Variants in PEPD observed in about 807,000 individuals in gnomAD.
The protein encoded by PEPD is peptidase D.
Under a neutral mutation model 60.7 loss-of-function variants are expected in PEPD, and 53 were observed. That is an observed-to-expected ratio of 0.87 (90% CI 0.70 to 1.10). The LOEUF (loss-of-function observed/expected upper bound fraction) is 1.10. Among genes scored for constraint, PEPD ranks in the 50% least tolerant of loss-of-function variants. The pLI, the probability that PEPD is intolerant of heterozygous loss-of-function variation, is 0.00. For missense variants in PEPD, 711 were observed against 711.9 expected (o/e 1.00, Z 0.01); for synonymous variants, 267 against 284.1 (o/e 0.94, Z 0.60).
chr19:33,516,242 C>CTGT (rs1971020836), intron 1 of PEPD, among the ~76,000 whole-genome samples: 1 of 152,188 alleles, frequency 6.6e-6, no homozygotes, highest in Non-Finnish European at 1.5e-5. Flanking sequence ...ACGAATTCTT[C>CTGT]CTGCAAATTC....
At chr19:33,395,448 C>G (rs7258031) in intron 12 of PEPD, among the ~76,000 whole-genome samples, 2 of 151,974 alleles carry the variant, frequency 1.3e-5, no homozygotes, top group African/African-American at 4.8e-5. Flanking sequence ...GACCCTAGAA[C>G]GGGCAGGGTG....
rs180955442 is a variant in PEPD at position 33,396,883 on chromosome 19, A to G, written c.967+4838T>C. On this transcript the variant is annotated intron_variant, in intron 12 of 14. Coordinates refer to ENST00000244137, the MANE Select transcript of PEPD (RefSeq NM_000285.4). ...GGACAGCTGTGCTGCTTCTAGGAAC[A>G]GCCTTCCTGCTGTGGCTGTGCCAAT... is the stretch of plus-strand genomic sequence containing the variant. Among the ~76,000 whole-genome samples, 388 of 152,236 alleles carry G rather than the reference A, an allele frequency of 2.5e-3. 1 individual carries two copies. Among genetic ancestry groups the G allele is most frequent in the African/African-American group, 8.9e-3 (368 of 41,544 alleles).
intron 3 of PEPD, among the ~76,000 whole-genome samples, chr19:33,507,517 C>T (rs1286576585): frequency 1.3e-5 from 2 of 152,156 alleles, no homozygotes; most frequent in Non-Finnish European, 2.9e-5. Flanking sequence ...CCACAGGAAG[C>T]GGCAGATCCT....
At chr19:33,431,187 GGAGGGAGGGAGGGAGA>G (rs1237290342) in intron 9 of PEPD, among the ~76,000 whole-genome samples, 2 of 148,716 alleles carry the variant, frequency 1.3e-5, no homozygotes, top group Non-Finnish European at 3.0e-5. Flanking sequence ...AGGAAGGGAG[GGAGGGAGGGAGGGAGA>G]GAGGGAGGGA....
At chr19:33,420,883 C>T (rs1210893974) in intron 9 of PEPD, among the ~76,000 whole-genome samples, 2 of 152,184 alleles carry the variant, frequency 1.3e-5, no homozygotes, top group African/African-American at 4.8e-5. Context: ...AGTCTCTCTT[C>T]CCCAGGGGCA....
chr19:33,471,289 CTCA>C (rs1970115733), intron 7 of PEPD, among the ~76,000 whole-genome samples: 1 of 152,182 alleles, frequency 6.6e-6, no homozygotes, highest in Non-Finnish European at 1.5e-5. Flanking sequence ...GGCCTGAAGT[CTCA>C]CCCAGGCGCC....
chr19:33,519,592 A>C, intron 1 of PEPD, among the ~76,000 whole-genome samples: 1 of 152,212 alleles, frequency 6.6e-6, no homozygotes, highest in East Asian at 1.9e-4. Flanking sequence ...GGTCAACCTC[A>C]GGCTCAAAGT....
intron 1 of PEPD, among the ~76,000 whole-genome samples, chr19:33,514,031 C>T (rs959057829): frequency 4.0e-5 from 6 of 151,674 alleles, no homozygotes; most frequent in Non-Finnish European, 7.4e-5. Context: ...TGTAAGCTCC[C>T]TGAGGGCAGG....
intron 12 of PEPD, among the ~76,000 whole-genome samples, chr19:33,393,259 G>A (rs1968273040): frequency 6.7e-6 from 1 of 149,672 alleles, no homozygotes. Flanking sequence ...GTCTGGCGTG[G>A]GGGAGGGCCC....
intron 9 of PEPD, among the ~76,000 whole-genome samples, chr19:33,446,136 G>A (rs897687463): frequency 6.6e-6 from 1 of 151,906 alleles, no homozygotes; most frequent in African/African-American, 2.4e-5. Flanking sequence ...AGAATTCCCC[G>A]AGTTCTTCCT....
intron 12 of PEPD, among the ~76,000 whole-genome samples, chr19:33,398,426 G>C (rs926141959): frequency 6.6e-6 from 1 of 152,248 alleles, no homozygotes; most frequent in Non-Finnish European, 1.5e-5. Context: ...AGCCCACCTT[G>C]GCACAGCTAC....
intron 14 of PEPD, 130 bp from the exon 15 acceptor site, chr19:33,387,611 T>C: frequency 1.7e-6 from 2 of 1,207,884 alleles, no homozygotes; most frequent in Admixed American, 3.6e-5. Context: ...ACGGGTGGCC[T>C]CCGGGCTCCT....
At position 33,482,768 on chromosome 19, in the gene PEPD, C is replaced by T. The variant is rs114170511; in HGVS notation, c.504-4678G>A. Among the ~76,000 whole-genome samples, 416 of 152,260 alleles carry T rather than the reference C, an allele frequency of 2.7e-3. 1 individual carries two copies. The highest frequency in any genetic ancestry group is 0.02 in the Middle Eastern group (6 of 294). On this transcript the variant is annotated intron_variant, in intron 6 of 14. Coordinates refer to ENST00000244137, the MANE Select transcript of PEPD (RefSeq NM_000285.4). ...AAGTTGGAAGCAACCCAGGTGTCCA[C>T]CAACTGATGAATGGACAAACGAAAT...
At chr19:33,434,430 C>G (rs1162250866) in intron 9 of PEPD, among the ~76,000 whole-genome samples, 1 of 152,100 alleles carries the variant, frequency 6.6e-6, no homozygotes, top group Admixed American at 6.5e-5. Context: ...TTTTTATCCC[C>G]CCTGGCAGAG....
intron 11 of PEPD, among the ~76,000 whole-genome samples, chr19:33,402,754 G>C (rs1968528661): frequency 6.6e-6 from 1 of 152,220 alleles, no homozygotes; most frequent in Admixed American, 6.5e-5. Flanking sequence ...GTGGAGAATG[G>C]GGCAGAGGTG....
At chr19:33,490,171 C>T (rs1384184790) in intron 5 of PEPD, 114 bp from the exon 6 acceptor site, 1 of 742,224 alleles carries the variant, frequency 1.3e-6, no homozygotes. Context: ...CCCCTCCTGC[C>T]TTCCCCCAAC....
intron 6 of PEPD, among the ~76,000 whole-genome samples, chr19:33,484,505 C>T (rs1326037989): frequency 2.6e-5 from 4 of 152,080 alleles, no homozygotes; most frequent in African/African-American, 9.7e-5. Flanking sequence ...CACATACAGC[C>T]ATGTGCACAA....
At chr19:33,448,976 C>A (rs992081233) in intron 9 of PEPD, among the ~76,000 whole-genome samples, 1 of 152,244 alleles carries the variant, frequency 6.6e-6, no homozygotes, top group Non-Finnish European at 1.5e-5. Context: ...CTAGAAAATT[C>A]TTCCTGGAGA....
chr19:33,414,101 C>T lies in PEPD; in HGVS notation c.672-458G>A, dbSNP rs553792038. ...CAGGAGGGGCTGGATCTACGGCCTG[C>T]GCTCACCCGGGGAGAGGGCACAGGA... On this transcript the variant is annotated intron_variant, in intron 9 of 14. Transcript: ENST00000244137. 5.3e-5 allele frequency among the ~76,000 whole-genome samples: 8 copies of T among 152,324 alleles called. No homozygotes were observed. The South Asian group carries it at 6.2e-4, about 12-fold the overall frequency.
Sources: gnomAD v4.1 joint callset for allele counts (sites outside exome capture counted in the v4.1 genomes callset) on GRCh38, gnomAD v4.1.1 for gene constraint, MANE v1.5 for transcripts, NCBI Gene and HGNC (gene_info 2026-07-23, HGNC 2026-07-21) for gene names.